ADRA1B: variants seen among roughly 807,000 people sequenced by gnomAD.
The protein encoded by ADRA1B is adrenoceptor alpha 1B.
In ADRA1B, 17 loss-of-function variants were observed where a neutral mutation model predicts 17.9. The observed-to-expected ratio is 0.95, with a 90% confidence interval of 0.65 to 1.42. ADRA1B has a LOEUF of 1.42. Among genes scored for constraint, ADRA1B ranks in the 40% most tolerant of loss-of-function variants. The pLI is 0.00. For missense variants in ADRA1B, 681 were observed against 722.1 expected (o/e 0.94, Z 0.65); for synonymous variants, 366 against 327.6 (o/e 1.12, Z -1.27).
intron 1 of ADRA1B, among the ~76,000 whole-genome samples, chr5:159,932,505 G>A (rs78223549): frequency 0.027 from 4,052 of 152,146 alleles, 81 homozygotes; most frequent in Non-Finnish European, 0.036. Context: ...AGAAGGTATC[G>A]TAATATACTT....
intron 1 of ADRA1B, among the ~76,000 whole-genome samples, chr5:159,922,804 A>G (rs1335767605): frequency 3.9e-5 from 6 of 152,248 alleles, no homozygotes; most frequent in Non-Finnish European, 8.8e-5. Context: ...CATTATACTG[A>G]CGATATAATG....
At chr5:159,918,105 AGG>A (rs1754381319) in intron 1 of ADRA1B, among the ~76,000 whole-genome samples, 1 of 152,216 alleles carries the variant, frequency 6.6e-6, no homozygotes, top group African/African-American at 2.4e-5. Flanking sequence ...ATCTGGTATG[AGG>A]AATGACTCAC....
intron 1 of ADRA1B, among the ~76,000 whole-genome samples, chr5:159,961,079 C>G (rs1755657438): frequency 6.6e-6 from 1 of 152,142 alleles, no homozygotes; most frequent in East Asian, 1.9e-4. Flanking sequence ...TTCAGCATTC[C>G]CAGTTAAGGG....
At chr5:159,873,784 G>C (rs1396500584) in intron 1 of ADRA1B, among the ~76,000 whole-genome samples, 1 of 152,074 alleles carries the variant, frequency 6.6e-6, no homozygotes, top group Non-Finnish European at 1.5e-5. Context: ...GTCCCCAGTG[G>C]AATTTTTCTG....
downstream of ADRA1B, among the ~76,000 whole-genome samples, chr5:159,974,219 C>T (rs1561613902): frequency 6.6e-6 from 1 of 152,166 alleles, no homozygotes; most frequent in Admixed American, 6.5e-5. Flanking sequence ...TTTAGTTCTG[C>T]TTATCTTTGT....
At chr5:159,897,541 G>A (rs1417007395) in intron 1 of ADRA1B, among the ~76,000 whole-genome samples, 3 of 152,080 alleles carry the variant, frequency 2.0e-5, no homozygotes, top group African/African-American at 7.2e-5. Flanking sequence ...TTTAGGTGGA[G>A]TGATTTTTAA....
In ADRA1B at chr5:159,947,746, GAAAT is replaced by G. The variant is rs1755316591; in HGVS notation, c.950-24132_950-24129del. The G allele has an allele frequency of 3.0e-6, 3 of 985,314 alleles. No individual in the cohort carries two copies. The African/African-American group carries it at 5.2e-5, about 17-fold the overall frequency. The allele number at this position is 985,314 out of a possible 1,614,324, so 61.0% of individuals were successfully genotyped here. A position where few individuals can be genotyped will look rare whatever the true frequency, so the allele number is the denominator to read the frequency against. ...GAATGCTTGCTGTAAATCCAGGAAA[GAAAT>G]GAATGAGCACAATTTAAATCTCTCC... On this transcript the variant is annotated intron_variant, in intron 1 of 1. Transcript: ENST00000306675.
intron 1 of ADRA1B, among the ~76,000 whole-genome samples, chr5:159,935,551 T>C (rs1389922175): frequency 6.6e-6 from 1 of 151,426 alleles, no homozygotes; most frequent in African/African-American, 2.4e-5. Flanking sequence ...TTCTATACAA[T>C]TTTTTTTTCT....
downstream of ADRA1B, among the ~76,000 whole-genome samples, chr5:159,975,316 G>A (rs1421499114): frequency 1.3e-5 from 2 of 152,190 alleles, no homozygotes; most frequent in African/African-American, 4.8e-5. Context: ...CACTGGTCTA[G>A]TGTAAGCAAA....
chr5:159,946,210 C>A (rs1249804833), intron 1 of ADRA1B, among the ~76,000 whole-genome samples: 1 of 152,112 alleles, frequency 6.6e-6, no homozygotes, highest in Non-Finnish European at 1.5e-5. Flanking sequence ...CTAGACCATC[C>A]AGGAAAAAGC....
At chr5:159,963,906 G>T (rs1004516943) in intron 1 of ADRA1B, among the ~76,000 whole-genome samples, 1 of 152,194 alleles carries the variant, frequency 6.6e-6, no homozygotes, top group African/African-American at 2.4e-5. Context: ...TCGCCCTTGG[G>T]CACTCAAAGA....
At chr5:159,950,861 G>T (rs892154766) in intron 1 of ADRA1B, 6 of 594,842 alleles carry the variant, frequency 1.0e-5, no homozygotes, top group African/African-American at 9.1e-5. Flanking sequence ...CACAGCCTTG[G>T]CAGTGCCAGT....
chr5:159,890,824 C>G (rs1414587911), intron 1 of ADRA1B, among the ~76,000 whole-genome samples: 1 of 152,238 alleles, frequency 6.6e-6, no homozygotes. Flanking sequence ...AGAAACAATC[C>G]TCCATCGCCA....
At chr5:159,902,470 G>A (rs1029925034) in intron 1 of ADRA1B, among the ~76,000 whole-genome samples, 10 of 151,258 alleles carry the variant, frequency 6.6e-5, no homozygotes, top group Non-Finnish European at 1.3e-4. Context: ...GTAAATAGAT[G>A]TTATGTATTT....
intron 1 of ADRA1B, among the ~76,000 whole-genome samples, chr5:159,962,935 CTT>C (rs1206944978): frequency 4.8e-5 from 2 of 41,762 alleles, no homozygotes; most frequent in African/African-American, 8.9e-5. Flanking sequence ...CTTTTCTTTT[CTT>C]TTTTTTTTTT....
intron 1 of ADRA1B, among the ~76,000 whole-genome samples, chr5:159,947,277 G>A (rs1383379953): frequency 6.6e-6 from 1 of 152,110 alleles, no homozygotes; most frequent in Admixed American, 6.5e-5. Flanking sequence ...GAGAGGCAGA[G>A]GTTGCAATGA....
chr5:159,950,916 A>C, intron 1 of ADRA1B: 1 of 566,872 alleles, frequency 1.8e-6, no homozygotes, highest in Non-Finnish European at 3.4e-6. Context: ...CCGTCGCACC[A>C]CAGTTTCCCA....
At chr5:159,967,824 A>G (rs1194527217) in intron 1 of ADRA1B, among the ~76,000 whole-genome samples, 1 of 152,198 alleles carries the variant, frequency 6.6e-6, no homozygotes, top group Non-Finnish European at 1.5e-5. Flanking sequence ...CCTTTGGCTG[A>G]ACACTTCTCA....
intron 1 of ADRA1B, among the ~76,000 whole-genome samples, chr5:159,965,268 A>G (rs1051608508): frequency 6.6e-6 from 1 of 152,100 alleles, no homozygotes; most frequent in African/African-American, 2.4e-5. Flanking sequence ...GCGAGCCATG[A>G]TTCCAAGAGG....
Sources: allele counts gnomAD v4.1 joint callset (sites outside exome capture counted in the v4.1 genomes callset), GRCh38; gene constraint gnomAD v4.1.1; transcripts MANE v1.5; gene names NCBI Gene and HGNC (gene_info 2026-07-23, HGNC 2026-07-21).